Variants in CAMTA1 observed in about 807,000 individuals in gnomAD.
CAMTA1 encodes calmodulin binding transcription activator 1.
CAMTA1 carries 27 observed loss-of-function variants against 170.9 expected under a neutral mutation model. The ratio of observed to expected loss-of-function variants is 0.16; its 90% confidence interval spans 0.12 to 0.22. CAMTA1 has a LOEUF of 0.22. Ranked by LOEUF, CAMTA1 falls within the 10% of genes least tolerant of loss-of-function variation. The probability of loss-of-function intolerance (pLI) is 1.00; values close to 1 mark genes in which losing one functional copy is unlikely to be tolerated. For synonymous variants in CAMTA1, 833 were observed against 891.5 expected (o/e 0.93, Z 1.17); for missense variants, 1,619 against 2,217.2 (o/e 0.73, Z 5.42).
In CAMTA1 at chr1:7,543,432, T is replaced by C. The variant is rs572769017; in HGVS notation, c.510+75531T>C. Among the ~76,000 whole-genome samples, 40 of 152,334 alleles carry C rather than the reference T, an allele frequency of 2.6e-4. 1 individual carries two copies. The highest frequency in any genetic ancestry group is 1.7e-3 in the Admixed American group (26 of 15,308). ...ACCCCGAGATAGCTTTGACATGAAA[T>C]ATCTCGCTTTTATTATTATTTTCAC... On this transcript the variant is annotated intron_variant, in intron 6 of 22. Transcript: ENST00000303635.
chr1:7,707,960 G>A (rs914974586), intron 11 of CAMTA1, among the ~76,000 whole-genome samples: 3 of 152,176 alleles, frequency 2.0e-5, no homozygotes, highest in Non-Finnish European at 4.4e-5. Flanking sequence ...GCCATCAGGA[G>A]ATAGTTACTC....
intron 6 of CAMTA1, among the ~76,000 whole-genome samples, chr1:7,503,271 G>T (rs980876475): frequency 2.0e-5 from 3 of 152,208 alleles, no homozygotes; most frequent in Non-Finnish European, 4.4e-5. Context: ...AGGGCATGGA[G>T]GGCCCTCCCG....
intron 1 of CAMTA1, among the ~76,000 whole-genome samples, chr1:6,789,158 A>G (rs1423274151): frequency 6.6e-6 from 1 of 152,056 alleles, no homozygotes; most frequent in African/African-American, 2.4e-5. Context: ...ACACAGAGCA[A>G]CCTCTACTCA....
rs34745856 is a variant in CAMTA1 at position 6,880,383 on chromosome 1, G to GTTTTTTT, written c.234+55191_234+55197dup. Among the ~76,000 whole-genome samples the GTTTTTTT allele has an allele frequency of 6.0e-3, 406 of 67,206 alleles. 17 individuals are homozygous for GTTTTTTT. The highest frequency in any genetic ancestry group is 0.01 in the South Asian group (16 of 1,576). 44.1% of individuals were successfully genotyped at this position (67,206 alleles called of 152,430 possible). A position where few individuals can be genotyped will look rare whatever the true frequency, so the allele number is the denominator to read the frequency against. Reference sequence around the variant, plus strand: ...GCCACCAGGCCCAGCCTCTAAAAGTGTTTTTTTTTTTTTTTTTTTTTTTTG... The same window carrying GTTTTTTT: ...GCCACCAGGCCCAGCCTCTAAAAGTGTTTTTTTTTTTTTTTTTTTTTTTTTTTTTTTG... On this transcript the variant is annotated intron_variant, in intron 3 of 22. Transcript: ENST00000303635.
At chr1:7,512,421 T>G (rs2094213968) in intron 6 of CAMTA1, among the ~76,000 whole-genome samples, 1 of 152,180 alleles carries the variant, frequency 6.6e-6, no homozygotes, top group Non-Finnish European at 1.5e-5. Context: ...TTAGTCAGGT[T>G]TGCGGCAACA....
intron 15 of CAMTA1, 150 bp from the exon 16 acceptor site, chr1:7,737,809 T>C (rs767015606): frequency 3.5e-5 from 29 of 819,886 alleles, no homozygotes; most frequent in Non-Finnish European, 5.3e-5. Context: ...CTGAATCTGG[T>C]GTATGCTACT....
At chr1:7,692,243 G>T (rs1251982229) in intron 11 of CAMTA1, among the ~76,000 whole-genome samples, 1 of 152,162 alleles carries the variant, frequency 6.6e-6, no homozygotes, top group African/African-American at 2.4e-5. Flanking sequence ...TATTGAACCT[G>T]CCCTGAGGCT....
chr1:7,284,458 T>C (rs1672066358), intron 5 of CAMTA1, among the ~76,000 whole-genome samples: 1 of 152,102 alleles, frequency 6.6e-6, no homozygotes, highest in African/African-American at 2.4e-5. Context: ...CGCCTTGGCC[T>C]CCCAAAGTGC....
chr1:7,709,730 C>G (rs188112567), intron 11 of CAMTA1, among the ~76,000 whole-genome samples: 59 of 152,330 alleles, frequency 3.9e-4, no homozygotes, highest in African/African-American at 1.3e-3. Flanking sequence ...TGTTTCAGCT[C>G]TACCATTCAC....
intron 5 of CAMTA1, among the ~76,000 whole-genome samples, chr1:7,326,636 G>A (rs1376393679): frequency 6.6e-6 from 1 of 152,176 alleles, no homozygotes; most frequent in African/African-American, 2.4e-5. Context: ...AATGCCAAGT[G>A]TTGCCAGCAA....
rs567552109 is a variant in CAMTA1 at position 7,738,440 on chromosome 1, T to G, written c.4140T>G (p.Ser1380Arg). The change falls in exon 16 of 23, where the codon AGT (serine) becomes AGG (arginine). Residue 1380 changes from serine to arginine, a missense_variant. Transcript: ENST00000303635. This position sits in a 1 kb window ranked among gnomAD's most constrained non-coding sequence, Gnocchi z 4.9. ...VNTELGSYRD[S>R]AENEECGQPM... ...CAGAGCTGGGGTCCTACCGTGATAG[T>G]GCAGAAAATGAAGAATGCGGCCAGC... is the stretch of plus-strand genomic sequence containing the variant. The G allele has an allele frequency of 6.2e-7, 1 of 1,614,114 alleles. No individual in the cohort carries two copies. The highest frequency in any genetic ancestry group is 8.5e-7 in the Non-Finnish European group (1 of 1,179,988).
intron 7 of CAMTA1, among the ~76,000 whole-genome samples, chr1:7,648,119 C>T (rs2095822268): frequency 1.3e-5 from 2 of 152,036 alleles, no homozygotes; most frequent in Non-Finnish European, 2.9e-5. Flanking sequence ...GAGGGCTGGA[C>T]ATGGTGGCTG....
intron 4 of CAMTA1, among the ~76,000 whole-genome samples, chr1:7,156,541 AG>A (rs1271857577): frequency 6.6e-6 from 1 of 152,224 alleles, no homozygotes; most frequent in Non-Finnish European, 1.5e-5. Flanking sequence ...CAGATATTCT[AG>A]GGCTCCTACC....
intron 6 of CAMTA1, among the ~76,000 whole-genome samples, chr1:7,593,913 G>A (rs1487985799): frequency 1.3e-5 from 2 of 151,504 alleles, no homozygotes; most frequent in Non-Finnish European, 2.9e-5. Context: ...ATGGTGGCAT[G>A]TGCCTGTAAT....
At chr1:7,277,152 A>G (rs547295055) in intron 5 of CAMTA1, among the ~76,000 whole-genome samples, 1 of 152,352 alleles carries the variant, frequency 6.6e-6, no homozygotes, top group Non-Finnish European at 1.5e-5. Context: ...AAGTTGATCT[A>G]TAGCTTCAAT....
In CAMTA1 at chr1:7,629,386, T is replaced by C. The variant is rs982619894; in HGVS notation, c.511-11014T>C. Among the ~76,000 whole-genome samples the C allele has an allele frequency of 5.2e-4, 79 of 152,256 alleles. 1 individual carries two copies. The highest frequency in any genetic ancestry group is 1.8e-3 in the African/African-American group (74 of 41,464). ...GATCTCTTGCACAACTCCTTATGGA[T>C]CAGCCATCCGGGAACTAATGTCACC... On this transcript the variant is annotated intron_variant, in intron 6 of 22. Transcript: ENST00000303635.
intron 4 of CAMTA1, among the ~76,000 whole-genome samples, chr1:7,170,325 T>G (rs1308051556): frequency 6.6e-6 from 1 of 152,046 alleles, no homozygotes; most frequent in Non-Finnish European, 1.5e-5. Flanking sequence ...TACTTTAAGT[T>G]CTGGGATTCA....
At chr1:7,270,370 C>T (rs1175327650) in intron 5 of CAMTA1, among the ~76,000 whole-genome samples, 3 of 148,340 alleles carry the variant, frequency 2.0e-5, no homozygotes, top group Non-Finnish European at 4.5e-5. Context: ...TCTCGGCTCA[C>T]TGCAACCTCT....
At chr1:7,747,997 C>G (rs1397234211) in intron 19 of CAMTA1, among the ~76,000 whole-genome samples, 1 of 151,740 alleles carries the variant, frequency 6.6e-6, no homozygotes, top group Non-Finnish European at 1.5e-5. Context: ...ACTGCAACCT[C>G]CACCTCCCAG....
Sources: gnomAD v4.1 joint callset for allele counts (sites outside exome capture counted in the v4.1 genomes callset) on GRCh38, gnomAD v4.1.1 for gene constraint, Gnocchi (gnomAD v3.1) non-coding constraint, MANE v1.5 for transcripts, NCBI Gene and HGNC (gene_info 2026-07-23, HGNC 2026-07-21) for gene names.